LYNX1: variants seen among roughly 807,000 people sequenced by gnomAD.
The protein encoded by LYNX1 is Ly6/neurotoxin 1, also known as ly-6/neurotoxin-like protein 1.
In LYNX1, 8 loss-of-function variants were observed where a neutral mutation model predicts 8.3. That is an observed-to-expected ratio of 0.97 (90% CI 0.57 to 1.74). The LOEUF (loss-of-function observed/expected upper bound fraction) is 1.74, where lower values mean the gene tolerates loss of function less well. LYNX1 is among the 40% of genes most tolerant of loss of function. The pLI is 0.00. For missense variants in LYNX1, 158 were observed against 159.7 expected, an observed-to-expected ratio of 0.99 and a Z score of 0.06; for synonymous variants, 73 against 67.9, an observed-to-expected ratio of 1.08 and a Z score of -0.37.
intron 3 of LYNX1, 59 bp from the exon 4 acceptor site, chr8:142,775,422 C>T: frequency 6.3e-7 from 1 of 1,593,986 alleles, no homozygotes; most frequent in Non-Finnish European, 8.5e-7. Flanking sequence ...ACCCAGCTGG[C>T]CCCACCCCAG....
upstream of LYNX1, chr8:142,777,609 G>T (rs940652570): frequency 5.1e-6 from 2 of 389,892 alleles, no homozygotes; most frequent in African/African-American, 4.4e-5. Context: ...GGCACCCGCC[G>T]AGCCGAGTTC....
chr8:142,774,182 A>G lies in LYNX1; in HGVS notation c.*985T>C. ...CCACCCTCCCCACTCCCGCCCCCGC[A>G]CGGCCACGAGAGGGTGGCATGCTCC... On this transcript the variant is annotated 3_prime_UTR_variant, in exon 4 of 4. Coordinates refer to ENST00000652477, the MANE Select transcript of LYNX1 (RefSeq NM_177477.4). The G allele has an allele frequency of 1.4e-5, 8 of 587,168 alleles. No homozygotes were observed. The highest frequency in any genetic ancestry group is 1.5e-5 in the Non-Finnish European group (8 of 522,120). 36.4% of individuals were successfully genotyped at this position (587,168 alleles called of 1,614,324 possible).
Position 142,773,335 on chromosome 8 carries a change from G to C in LYNX1, c.*1832C>G. On this transcript the variant is annotated 3_prime_UTR_variant, in exon 4 of 4. Coordinates refer to ENST00000652477, the MANE Select transcript of LYNX1 (RefSeq NM_177477.4). ...GCCGGTCCTGCTCTCCAGGCTTAGGGCTACAGCCACAACCACTGGGGGTAG... is the reference window on the plus strand; with the variant it reads ...GCCGGTCCTGCTCTCCAGGCTTAGGCCTACAGCCACAACCACTGGGGGTAG... The C allele has an allele frequency of 1.0e-6, 1 of 985,648 alleles. No individual in the cohort carries two copies. Among genetic ancestry groups the C allele is most frequent in the South Asian group, 4.7e-5 (1 of 21,278 alleles). The allele number at this position is 985,648 out of a possible 1,614,324, so 61.1% of individuals were successfully genotyped here.
chr8:142,771,605 C>A lies in LYNX1; in HGVS notation c.*3562G>T, dbSNP rs587614144. 7 of 985,640 alleles carry A rather than the reference C, an allele frequency of 7.1e-6. No individual in the cohort carries two copies. The African/African-American group carries it at 1.0e-4, about 15-fold the overall frequency. 61.1% of individuals were successfully genotyped at this position (985,640 alleles called of 1,614,324 possible). ...GGCTGGCAGATTCAGGCCCTCCCTGCGAGCTGAGGTTTGAAGAGGAGAGCA... is the reference window on the plus strand; with the variant it reads ...GGCTGGCAGATTCAGGCCCTCCCTGAGAGCTGAGGTTTGAAGAGGAGAGCA... On this transcript the variant is annotated 3_prime_UTR_variant, in exon 4 of 4. Transcript: ENST00000652477.
chr8:142,776,297 T>G, intron 1 of LYNX1, 176 bp from the exon 2 acceptor site: 2 of 361,600 alleles, frequency 5.5e-6, no homozygotes, highest in Non-Finnish European at 1.1e-5. Context: ...TCAGGACATT[T>G]CAATCAGAGA....
At position 142,771,812 on chromosome 8, in the gene LYNX1, C is replaced by A. The variant is rs909084083; in HGVS notation, c.*3355G>T. The A allele has an allele frequency of 1.5e-5, 15 of 985,762 alleles. No individual in the cohort carries two copies. Among genetic ancestry groups the A allele is most frequent in the African/African-American group, 1.7e-5 (1 of 57,226 alleles). The allele number at this position is 985,762 out of a possible 1,614,324, so 61.1% of individuals were successfully genotyped here. On this transcript the variant is annotated 3_prime_UTR_variant, in exon 4 of 4. Transcript: ENST00000652477. ...GGCAGCTGGCCTGGCTCCCCCACTTCCCCAGGACCTCCGCCTGGAGGAAGC... is the reference window on the plus strand; with the variant it reads ...GGCAGCTGGCCTGGCTCCCCCACTTACCCAGGACCTCCGCCTGGAGGAAGC...
chr8:142,772,410 T>C lies in LYNX1; in HGVS notation c.*2757A>G. ...TCTCAAACCTCTGGTTCCACTTTTC[T>C]CCTTTTAAGCTTTCCATTTTGTAAA... On this transcript the variant is annotated 3_prime_UTR_variant, in exon 4 of 4. Transcript: ENST00000652477. The C allele has an allele frequency of 7.1e-6, 7 of 985,516 alleles. No homozygotes were observed. Among genetic ancestry groups the C allele is most frequent in the Non-Finnish European group, 8.4e-6 (7 of 829,972 alleles). 61.0% of individuals were successfully genotyped at this position (985,516 alleles called of 1,614,324 possible). A position where few individuals can be genotyped will look rare whatever the true frequency, so the allele number is the denominator to read the frequency against.
At chr8:142,777,335 T>C (rs1399060156), upstream of LYNX1, 3 of 56,418 alleles carry the variant, frequency 5.3e-5, 1 homozygote, top group African/African-American at 7.2e-5. Flanking sequence ...CCCCACCTCC[T>C]GAGCAACCCC....
chr8:142,776,065 G>A lies in LYNX1; in HGVS notation c.-108C>T. 1 of 1,337,314 alleles carries A rather than the reference G, an allele frequency of 7.5e-7. No individual in the cohort carries two copies. Among genetic ancestry groups the A allele is most frequent in the Non-Finnish European group, 1.0e-6 (1 of 954,138 alleles). The allele number at this position is 1,337,314 out of a possible 1,614,324, so 82.8% of individuals were successfully genotyped here. On this transcript the variant is annotated 5_prime_UTR_variant, in exon 2 of 4. Coordinates refer to ENST00000652477, the MANE Select transcript of LYNX1 (RefSeq NM_177477.4). ...GATCCAACTCAGGGTGGTGCGCAGA[G>A]GACGTGGGGCCGGCCCTGCCTCCCG...
chr8:142,777,347 C>CT (rs1207322696), upstream of LYNX1: 1 of 180,460 alleles, frequency 5.5e-6, no homozygotes, highest in Non-Finnish European at 1.1e-5. Context: ...AGCAACCCCC[C>CT]GAGCCGAGCT....
At position 142,772,197 on chromosome 8, in the gene LYNX1, C is replaced by G. The variant is rs1815212171; in HGVS notation, c.*2970G>C. 3.0e-6 allele frequency: 3 copies of G among 986,042 alleles called. No homozygotes were observed. Among genetic ancestry groups the G allele is most frequent in the Non-Finnish European group, 3.6e-6 (3 of 830,030 alleles). 61.1% of individuals were successfully genotyped at this position (986,042 alleles called of 1,614,324 possible). A position where few individuals can be genotyped will look rare whatever the true frequency, so the allele number is the denominator to read the frequency against. ...ACTCGGGCATGTCCAGGACTCAGGT[C>G]CACACAGACAGTGGCAACAGCTAGC... On this transcript the variant is annotated 3_prime_UTR_variant, in exon 4 of 4. Coordinates refer to ENST00000652477, the MANE Select transcript of LYNX1 (RefSeq NM_177477.4).
In LYNX1 at chr8:142,775,133, A is replaced by G; in HGVS notation, c.*34T>C. On this transcript the variant is annotated 3_prime_UTR_variant, in exon 4 of 4. Transcript: ENST00000652477. ...CGAGGGTGTAGCAGTGTGTCTCGAG[A>G]GCTTTGTTCTTGAGTGGGTCTGCCT... 1 of 1,596,102 alleles carries G rather than the reference A, an allele frequency of 6.3e-7. No individual in the cohort carries two copies. Among genetic ancestry groups the G allele is most frequent in the Non-Finnish European group, 8.5e-7 (1 of 1,172,712 alleles).
chr8:142,771,284 C>G lies in LYNX1; in HGVS notation c.*3883G>C, dbSNP rs1815165901. 3 of 985,502 alleles carry G rather than the reference C, an allele frequency of 3.0e-6. No homozygotes were observed. Among genetic ancestry groups the G allele is most frequent in the Non-Finnish European group, 3.6e-6 (3 of 829,976 alleles). 61.0% of individuals were successfully genotyped at this position (985,502 alleles called of 1,614,324 possible). A position where few individuals can be genotyped will look rare whatever the true frequency, so the allele number is the denominator to read the frequency against. On this transcript the variant is annotated 3_prime_UTR_variant, in exon 4 of 4. Coordinates refer to ENST00000652477, the MANE Select transcript of LYNX1 (RefSeq NM_177477.4). ...TAAGGGTTAGGGCAAGCATTAGCAG[C>G]AGGGGCATGGCCCTGGGAAGCACCT...
At chr8:142,777,449 C>T, upstream of LYNX1, 1 of 238,540 alleles carries the variant, frequency 4.2e-6, no homozygotes, top group Non-Finnish European at 7.8e-6. Context: ...CCTGGGCACC[C>T]GCCGAGCCGA....
At position 142,774,145 on chromosome 8, in the gene LYNX1, G is replaced by GCCCCGGGC; in HGVS notation, c.*1021_*1022insGCCCGGGG. ...GCTGCGGGGGAGGGGCTGGGTCTCC[G>GCCCCGGGC]CCCTCCCCACCCCACCCTCCCCACT... On this transcript the variant is annotated 3_prime_UTR_variant, in exon 4 of 4. Transcript: ENST00000652477. 6.1e-6 allele frequency: 6 copies of GCCCCGGGC among 981,842 alleles called. No homozygotes were observed. The highest frequency in any genetic ancestry group is 1.8e-5 in the African/African-American group (1 of 56,672). The allele number at this position is 981,842 out of a possible 1,614,324, so 60.8% of individuals were successfully genotyped here. A position where few individuals can be genotyped will look rare whatever the true frequency, so the allele number is the denominator to read the frequency against.
chr8:142,774,571 G>A lies in LYNX1; in HGVS notation c.*596C>T, dbSNP rs186890301. ...CCCTGGGGCCTGCTGAGGCAGAGCC[G>A]CCCCCTCCCCTGCAGGGGGTGGCTC... On this transcript the variant is annotated 3_prime_UTR_variant, in exon 4 of 4. Coordinates refer to ENST00000652477, the MANE Select transcript of LYNX1 (RefSeq NM_177477.4). 186 of 985,696 alleles carry A rather than the reference G, an allele frequency of 1.9e-4. 2 individuals are homozygous for A. In the East Asian group the frequency reaches 0.012, roughly 62 times the overall value. 61.1% of individuals were successfully genotyped at this position (985,696 alleles called of 1,614,324 possible). A position where few individuals can be genotyped will look rare whatever the true frequency, so the allele number is the denominator to read the frequency against.
In LYNX1 at chr8:142,772,907, G is replaced by A; in HGVS notation, c.*2260C>T. 3 of 985,912 alleles carry A rather than the reference G, an allele frequency of 3.0e-6. No homozygotes were observed. The highest frequency in any genetic ancestry group is 4.7e-5 in the South Asian group (1 of 21,296). 61.1% of individuals were successfully genotyped at this position (985,912 alleles called of 1,614,324 possible). ...GAAAGGTGGACAGAAGGAGGCAGGA[G>A]GCAGGTGTGAGAAGCTGCCCACCCC... is the stretch of plus-strand genomic sequence containing the variant. On this transcript the variant is annotated 3_prime_UTR_variant, in exon 4 of 4. Transcript: ENST00000652477.
At position 142,776,181 on chromosome 8, in the gene LYNX1, C is replaced by G. The variant is rs369058310; in HGVS notation, c.-164-60G>C. Reference sequence around the variant, plus strand: ...CTGGGCCTGAAGGACCCATGGGGGCCTGGGCAGGGATGATGGTGGGCAGAG... The same window carrying G: ...CTGGGCCTGAAGGACCCATGGGGGCGTGGGCAGGGATGATGGTGGGCAGAG... On this transcript the variant is annotated intron_variant, in intron 1 of 3. Transcript: ENST00000652477. 1.4e-3 allele frequency: 807 copies of G among 586,172 alleles called. 11 individuals are homozygous for G. Among genetic ancestry groups the G allele is most frequent in the South Asian group, 0.014 (723 of 52,614 alleles). 36.3% of individuals were successfully genotyped at this position (586,172 alleles called of 1,614,324 possible).
rs587623525 is a variant in LYNX1 at position 142,775,129 on chromosome 8, C to T, written c.*38G>A. The T allele has an allele frequency of 1.6e-5, 25 of 1,592,170 alleles. No individual in the cohort carries two copies. Among genetic ancestry groups the T allele is most frequent in the East Asian group, 1.1e-4 (5 of 44,142 alleles). ...GGTGCGAGGGTGTAGCAGTGTGTCT[C>T]GAGAGCTTTGTTCTTGAGTGGGTCT... On this transcript the variant is annotated 3_prime_UTR_variant, in exon 4 of 4. Transcript: ENST00000652477.
Sources: gnomAD v4.1 joint callset for allele counts on GRCh38, gnomAD v4.1.1 for gene constraint, MANE v1.5 for transcripts, NCBI Gene and HGNC (gene_info 2026-07-23, HGNC 2026-07-21) for gene names.